The following FBXL14 variants were observed in gnomAD, a reference collection of about 807,000 sequenced individuals.
The protein encoded by FBXL14 is F-box/LRR-repeat protein 14.
In FBXL14, 11 loss-of-function variants were observed where a neutral mutation model predicts 24.5. The ratio of observed to expected loss-of-function variants is 0.45; its 90% confidence interval spans 0.28 to 0.74. FBXL14 has a LOEUF of 0.74. FBXL14 is among the 30% of genes least tolerant of loss of function. The probability of loss-of-function intolerance (pLI) is 0.12; values close to 1 mark genes in which losing one functional copy is unlikely to be tolerated. For synonymous variants in FBXL14, 294 were observed against 240.4 expected (o/e 1.22, Z -2.06); for missense variants, 384 against 545.6 (o/e 0.70, Z 2.95).
intron 1 of FBXL14, among the ~76,000 whole-genome samples, chr12:1,583,287 A>T (rs1459625812): frequency 1.3e-5 from 2 of 151,922 alleles, no homozygotes; most frequent in Non-Finnish European, 2.9e-5. Flanking sequence ...TATGACTAAA[A>T]TTTTTCCCAT....
Position 1,593,658 on chromosome 12 carries a change from G to A in FBXL14, c.409C>T (p.Arg137Cys). 1 of 1,614,164 alleles carries A rather than the reference G, an allele frequency of 6.2e-7. No homozygotes were observed. Among genetic ancestry groups the A allele is most frequent in the Non-Finnish European group, 8.5e-7 (1 of 1,180,026 alleles). Residue 137 changes from arginine (R) to cysteine (C), a missense_variant, in exon 1 of 2, where the codon CGC becomes TGC. Physicochemically the swap from Arg to Cys is radical, Grantham distance 180 (BLOSUM62 -3). Transcript: ENST00000339235. The surrounding 1 kb of genome is among the most constrained non-coding windows in gnomAD (Gnocchi z 7.4). ...AGGCCCTTGAGGTACTGGGCTATGCGGCCCAGGCTGCTGTCAGTGATCTGC... is the reference window on the plus strand; with the variant it reads ...AGGCCCTTGAGGTACTGGGCTATGCAGCCCAGGCTGCTGTCAGTGATCTGC... The part of the protein sequence containing the change: ...CKQITDSSLG[R>C]IAQYLKGLEV...
At chr12:1,573,824 G>C (rs903108907) in intron 1 of FBXL14, among the ~76,000 whole-genome samples, 14 of 152,198 alleles carry the variant, frequency 9.2e-5, no homozygotes, top group Non-Finnish European at 1.8e-4. Flanking sequence ...GACCAACATG[G>C]AGAAACCTTG....
In FBXL14 at chr12:1,593,060, T is replaced by C. The variant is rs746885773; in HGVS notation, c.1007A>G (p.Asn336Ser). ...CGTGATGCGCACACACTGTCCAATG[T>C]TGAGCGTGCGCAGCCCGTGCATCTG... ...VRQMHGLRTL[N>S]IGQCVRITDK... Residue 336 changes from asparagine to serine, a missense_variant, in exon 1 of 2, where the codon AAC becomes AGC. Transcript: ENST00000339235. This position sits in a 1 kb window ranked among gnomAD's most constrained non-coding sequence, Gnocchi z 7.4. 6.2e-7 allele frequency: 1 copy of C among 1,612,588 alleles called. No individual in the cohort carries two copies. Among genetic ancestry groups the C allele is most frequent in the African/African-American group, 1.3e-5 (1 of 74,912 alleles).
intron 1 of FBXL14, among the ~76,000 whole-genome samples, chr12:1,585,894 G>T (rs757036749): frequency 1.3e-5 from 2 of 152,070 alleles, no homozygotes; most frequent in Non-Finnish European, 2.9e-5. Context: ...TTTATAGCAT[G>T]TGAAATATGT....
rs531104964 is a variant in FBXL14, at chr12:1,566,073, T to G, written c.*675A>C. 2 of 152,772 alleles carry G rather than the reference T, an allele frequency of 1.3e-5. No individual in the cohort carries two copies. The highest frequency in any genetic ancestry group is 3.9e-4 in the East Asian group (2 of 5,188). The allele number at this position is 152,772 out of a possible 1,614,324, so 9.5% of individuals were successfully genotyped here. On this transcript the variant is annotated 3_prime_UTR_variant, in exon 2 of 2. Coordinates refer to ENST00000339235, the MANE Select transcript of FBXL14 (RefSeq NM_152441.3). ...ACCCCGTGGGGAGAGGAAATGCATC[T>G]GTGGAATGTAGAGTGGATTTCTTTC... is the stretch of plus-strand genomic sequence containing the variant.
At chr12:1,590,791 C>T (rs936604987) in intron 1 of FBXL14, among the ~76,000 whole-genome samples, 2 of 152,202 alleles carry the variant, frequency 1.3e-5, no homozygotes, top group South Asian at 2.1e-4. Flanking sequence ...CTGCCCTCCT[C>T]CTCTCCACCC....
Position 1,593,568 on chromosome 12 carries a change from C to T in FBXL14, c.499G>A (p.Gly167Ser). 1 of 1,614,144 alleles carries T rather than the reference C, an allele frequency of 6.2e-7. No individual in the cohort carries two copies. The highest frequency in any genetic ancestry group is 1.1e-5 in the South Asian group (1 of 91,086). Residue 167 changes from glycine to serine, a missense_variant, in exon 1 of 2, where the codon GGT becomes AGT. Transcript: ENST00000339235. This position sits in a 1 kb window ranked among gnomAD's most constrained non-coding sequence, Gnocchi z 7.4. ...TNTGLLLIAWGLQRLKSLNLR... is the reference protein window; with the variant it reads ...TNTGLLLIAWSLQRLKSLNLR... ...TTAAGGCTCTTGAGGCGCTGCAGACCCCAGGCGATGAGCAGAAGGCCAGTG... is the reference window on the plus strand; with the variant it reads ...TTAAGGCTCTTGAGGCGCTGCAGACTCCAGGCGATGAGCAGAAGGCCAGTG...
rs2094462416 is a variant in FBXL14 at position 1,579,594 on chromosome 12, T to C, written c.1195-12784A>G. ...CACCATTGCACTCCAGTCTCGGTGA[T>C]AGGGTGAGACTCCATTTAAAAAAAA... On this transcript the variant is annotated intron_variant, in intron 1 of 1. Coordinates refer to ENST00000339235, the MANE Select transcript of FBXL14 (RefSeq NM_152441.3). The surrounding 1 kb of genome is among the most constrained non-coding windows in gnomAD (Gnocchi z 4.3). 2.0e-5 allele frequency among the ~76,000 whole-genome samples: 3 copies of C among 149,390 alleles called. No homozygotes were observed. In the South Asian group the frequency reaches 6.3e-4, roughly 31 times the overall value.
At chr12:1,589,980 G>C (rs371173866) in intron 1 of FBXL14, among the ~76,000 whole-genome samples, 1 of 152,192 alleles carries the variant, frequency 6.6e-6, no homozygotes, top group East Asian at 1.9e-4. Flanking sequence ...CCTAAGACTT[G>C]GGTGCTCAAA....
At chr12:1,570,910 G>A (rs892107576) in intron 1 of FBXL14, among the ~76,000 whole-genome samples, 3 of 152,042 alleles carry the variant, frequency 2.0e-5, no homozygotes, top group Non-Finnish European at 2.9e-5. Context: ...GCCTAGTGTC[G>A]CCATGTAATG....
chr12:1,586,182 GTT>G (rs79133793), intron 1 of FBXL14, among the ~76,000 whole-genome samples: 20 of 137,724 alleles, frequency 1.5e-4, no homozygotes, highest in Admixed American at 1.5e-4. Flanking sequence ...AGCATTTGGG[GTT>G]TTTTTTTTTT....
chr12:1,583,124 A>T (rs34162487), intron 1 of FBXL14, among the ~76,000 whole-genome samples: 2,718 of 149,924 alleles, frequency 0.018, 39 homozygotes, highest in Middle Eastern at 0.085. Context: ...AATAAAAATT[A>T]AAAAAAATTA....
chr12:1,575,009 T>C (rs1014850480), intron 1 of FBXL14, among the ~76,000 whole-genome samples: 3 of 152,210 alleles, frequency 2.0e-5, no homozygotes, highest in Non-Finnish European at 4.4e-5. Flanking sequence ...GAAGGAGGGA[T>C]CTAAACACAT....
At chr12:1,583,133 TAAAA>T (rs921204935) in intron 1 of FBXL14, among the ~76,000 whole-genome samples, 1 of 144,628 alleles carries the variant, frequency 6.9e-6, no homozygotes, top group Non-Finnish European at 1.5e-5. Context: ...TAAAAAAAAT[TAAAA>T]AAAAGATACT....
In FBXL14 at chr12:1,592,876, C is replaced by T. The variant is rs1258304497; in HGVS notation, c.1191G>A (p.Glu397=). The T allele has an allele frequency of 6.4e-7, 1 of 1,565,198 alleles. No individual in the cohort carries two copies. Residue 397 remains glutamate (E), a synonymous_variant, in exon 1 of 2, where the codon GAG becomes GAA. Transcript: ENST00000339235. ...GGTGCTGCCGCCCTCACCTGACCTT[C>T]TCACTGTCCGTCATCTGCCAGAGTC... The part of the protein sequence containing the change: ...NLGLWQMTDS[E]KEARGDFSPL...
intron 1 of FBXL14, among the ~76,000 whole-genome samples, chr12:1,585,539 G>A (rs942815112): frequency 6.6e-6 from 1 of 152,122 alleles, no homozygotes; most frequent in Non-Finnish European, 1.5e-5. Context: ...TGTTTTCCAA[G>A]CCATAGTAAT....
Position 1,566,529 on chromosome 12 carries a change from A to G in FBXL14, c.*219T>C. The G allele has an allele frequency of 2.2e-6, 1 of 457,900 alleles. No individual in the cohort carries two copies. The highest frequency in any genetic ancestry group is 3.9e-6 in the Non-Finnish European group (1 of 258,516). 28.4% of individuals were successfully genotyped at this position (457,900 alleles called of 1,614,324 possible). A position where few individuals can be genotyped will look rare whatever the true frequency, so the allele number is the denominator to read the frequency against. On this transcript the variant is annotated 3_prime_UTR_variant, in exon 2 of 2. Coordinates refer to ENST00000339235, the MANE Select transcript of FBXL14 (RefSeq NM_152441.3). ...CAAGTCTCCTTGGATCCATAAAGGA[A>G]GCGAGGTCTCAGAGCAAACCACTGT... is the stretch of plus-strand genomic sequence containing the variant.
At position 1,572,547 on chromosome 12, in the gene FBXL14, C is replaced by T. The variant is rs555979530; in HGVS notation, c.1195-5737G>A. On this transcript the variant is annotated intron_variant, in intron 1 of 1. Coordinates refer to ENST00000339235, the MANE Select transcript of FBXL14 (RefSeq NM_152441.3). ...AGACCCAGGTCCAGGGGGCCCGCCC[C>T]ATTCCCAGAGAGGCCGTGGTCTATC... 1.9e-4 allele frequency among the ~76,000 whole-genome samples: 29 copies of T among 152,302 alleles called. No homozygotes were observed. The Middle Eastern group carries it at 0.01, about 54-fold the overall frequency.
chr12:1,576,443 T>A (rs968761686), intron 1 of FBXL14, among the ~76,000 whole-genome samples: 4 of 152,178 alleles, frequency 2.6e-5, no homozygotes, highest in African/African-American at 9.6e-5. Context: ...ATGCAGAGGC[T>A]GTCACCCTCT....
Sources: gnomAD v4.1 joint callset for allele counts (sites outside exome capture counted in the v4.1 genomes callset) on GRCh38, gnomAD v4.1.1 for gene constraint, Gnocchi (gnomAD v3.1) non-coding constraint, MANE v1.5 for transcripts, NCBI Gene and HGNC (gene_info 2026-07-23, HGNC 2026-07-21) for gene names.